The following SLC25A12 variants were observed in gnomAD, a reference collection of about 807,000 sequenced individuals.
The protein encoded by SLC25A12 is electrogenic aspartate/glutamate antiporter SLC25A12, mitochondrial.
Under a neutral mutation model 83.3 loss-of-function variants are expected in SLC25A12, and 32 were observed. That is an observed-to-expected ratio of 0.38 (90% CI 0.29 to 0.52). SLC25A12 has a LOEUF of 0.52. SLC25A12 is among the 20% of genes least tolerant of loss of function. The pLI is 0.84. For missense variants in SLC25A12, 611 were observed against 835.6 expected, an observed-to-expected ratio of 0.73 and a Z score of 3.31; for synonymous variants, 267 against 291.1, an observed-to-expected ratio of 0.92 and a Z score of 0.84.
At chr2:171,789,373 A>C (rs534100468) in intron 15 of SLC25A12, among the ~76,000 whole-genome samples, 91 of 151,950 alleles carry the variant, frequency 6.0e-4, no homozygotes, top group African/African-American at 1.2e-3. Context: ...GGACTACAGA[A>C]GCCCGCCACC....
In SLC25A12 at chr2:171,809,703, C is replaced by T. The variant is rs1288977179; in HGVS notation, c.1225-17G>A. On this transcript the variant is annotated splice_polypyrimidine_tract_variant and intron_variant, in intron 12 of 17. Coordinates refer to ENST00000422440, the MANE Select transcript of SLC25A12 (RefSeq NM_003705.5). ...ATCATTAACCTAATTAGAAAGACAA[C>T]ATCAGTTAACCAAAATTCCCAACCA... 6 of 1,585,984 alleles carry T rather than the reference C, an allele frequency of 3.8e-6. No homozygotes were observed. The highest frequency in any genetic ancestry group is 4.3e-6 in the Non-Finnish European group (5 of 1,154,544).
At chr2:171,848,266 G>C (rs1209368373) in intron 4 of SLC25A12, 2 of 471,012 alleles carry the variant, frequency 4.2e-6, no homozygotes, top group East Asian at 6.9e-5. Flanking sequence ...GGTGTGGCCA[G>C]AGAACTCCTC....
In SLC25A12 at chr2:171,848,342, A is replaced by T. The variant is rs542745600; in HGVS notation, c.326-3834T>A. On this transcript the variant is annotated intron_variant, in intron 4 of 17. Coordinates refer to ENST00000422440, the MANE Select transcript of SLC25A12 (RefSeq NM_003705.5). ...CTACCATCAGCCCAACGACATCCTT[A>T]TTCCAAGGATTCCAGCCCAGCAGGA... The T allele has an allele frequency of 4.7e-4, 219 of 463,810 alleles. 1 individual carries two copies. In the Middle Eastern group the frequency reaches 5.5e-3, roughly 12 times the overall value. 28.7% of individuals were successfully genotyped at this position (463,810 alleles called of 1,614,324 possible). A position where few individuals can be genotyped will look rare whatever the true frequency, so the allele number is the denominator to read the frequency against.
At chr2:171,892,658 G>A (rs1685968326) in intron 2 of SLC25A12, among the ~76,000 whole-genome samples, 2 of 151,446 alleles carry the variant, frequency 1.3e-5, no homozygotes, top group Non-Finnish European at 2.9e-5. Flanking sequence ...CCAAGTCACT[G>A]ATTCTAAAAG....
chr2:171,820,423 T>C (rs936434015), intron 9 of SLC25A12, among the ~76,000 whole-genome samples: 2 of 152,116 alleles, frequency 1.3e-5, no homozygotes, highest in Non-Finnish European at 2.9e-5. Context: ...AAAGTAATTA[T>C]GTAATATACA....
At chr2:171,810,126 A>G in intron 12 of SLC25A12, 98 bp downstream of exon 12, 2 of 1,017,510 alleles carry the variant, frequency 2.0e-6, no homozygotes, top group Non-Finnish European at 3.1e-6. Context: ...AAATGCTGAG[A>G]TTATAGGCAT....
chr2:171,799,558 C>T (rs1454026517), intron 13 of SLC25A12, among the ~76,000 whole-genome samples: 3 of 152,054 alleles, frequency 2.0e-5, no homozygotes, highest in South Asian at 2.1e-4. Flanking sequence ...TTTGCTTTAC[C>T]GATATGAAGG....
chr2:171,806,011 A>C (rs1683817914), intron 13 of SLC25A12, among the ~76,000 whole-genome samples: 2 of 152,158 alleles, frequency 1.3e-5, no homozygotes, highest in South Asian at 2.1e-4. Context: ...GGGGAGGCTG[A>C]GAGATGGGAG....
At chr2:171,793,373 G>A (rs1423163175) in intron 14 of SLC25A12, among the ~76,000 whole-genome samples, 1 of 152,176 alleles carries the variant, frequency 6.6e-6, no homozygotes, top group Non-Finnish European at 1.5e-5. Context: ...GAAAGGCTGT[G>A]AGCCTGAGGC....
At chr2:171,826,349 T>G (rs1684299782) in intron 9 of SLC25A12, among the ~76,000 whole-genome samples, 2 of 152,240 alleles carry the variant, frequency 1.3e-5, no homozygotes, top group South Asian at 4.1e-4. Context: ...GGCTCATGCC[T>G]GTAATCCCAG....
At chr2:171,873,038 T>C (rs1685490242) in intron 2 of SLC25A12, among the ~76,000 whole-genome samples, 1 of 152,102 alleles carries the variant, frequency 6.6e-6, no homozygotes, top group African/African-American at 2.4e-5. Flanking sequence ...TACTAAAAGT[T>C]TAAGAAGAAA....
At position 171,833,533 on chromosome 2, in the gene SLC25A12, A is replaced by C. The variant is rs186496919; in HGVS notation, c.845+430T>G. Among the ~76,000 whole-genome samples the C allele has an allele frequency of 1.9e-4, 29 of 152,274 alleles. No homozygotes were observed. In the East Asian group the frequency reaches 5.6e-3, roughly 29 times the overall value. ...TGATCTACCCACCTTGGCCTCCCAA[A>C]GTGCTGGGATTACAGGCGTGAGCCA... On this transcript the variant is annotated intron_variant, in intron 8 of 17. Coordinates refer to ENST00000422440, the MANE Select transcript of SLC25A12 (RefSeq NM_003705.5).
chr2:171,846,443 C>A (rs1244813418), intron 4 of SLC25A12, among the ~76,000 whole-genome samples: 1 of 151,984 alleles, frequency 6.6e-6, no homozygotes, highest in Non-Finnish European at 1.5e-5. Context: ...ATCAGAATCT[C>A]AAATATGAAA....
intron 17 of SLC25A12, among the ~76,000 whole-genome samples, chr2:171,785,986 G>A (rs1488143700): frequency 2.0e-5 from 3 of 151,928 alleles, no homozygotes; most frequent in Non-Finnish European, 4.4e-5. Context: ...TAGCACATAT[G>A]AAAGTAATTT....
intron 5 of SLC25A12, among the ~76,000 whole-genome samples, chr2:171,838,623 T>C (rs1225664584): frequency 2.0e-5 from 3 of 152,212 alleles, no homozygotes; most frequent in Non-Finnish European, 4.4e-5. Flanking sequence ...CTAAAGAAGA[T>C]GTGGACCTTT....
At position 171,868,776 on chromosome 2, in the gene SLC25A12, G is replaced by A. The variant is rs764718826; in HGVS notation, c.114C>T (p.Asp38=). 1.5e-5 allele frequency: 24 copies of A among 1,613,238 alleles called. No homozygotes were observed. Among genetic ancestry groups the A allele is most frequent in the Non-Finnish European group, 2.0e-5 (24 of 1,179,346 alleles). ...VDGERYMTPE[D]FVQRYLGLYN... ...ACAGTCCAAGATAGCGCTGAACAAA[G>A]TCTTCTGGGGTCATATAACGCTCTC... Residue 38 remains aspartate (D), a synonymous_variant, in exon 3 of 18, where the codon GAC becomes GAT. Coordinates refer to ENST00000422440, the MANE Select transcript of SLC25A12 (RefSeq NM_003705.5).
Position 171,830,234 on chromosome 2 carries a change from C to T in SLC25A12, c.846-3352G>A, listed in dbSNP as rs537611255. 9.9e-4 allele frequency among the ~76,000 whole-genome samples: 151 copies of T among 152,258 alleles called. 2 individuals are homozygous for T. The highest frequency in any genetic ancestry group is 9.4e-4 in the Non-Finnish European group (64 of 68,018). ...TTATAGAAACAAATAATCTATATTG[C>T]ATCATTTTCAAGCCCACAGAAATGT... On this transcript the variant is annotated intron_variant, in intron 8 of 17. Transcript: ENST00000422440.
rs1684169471 is a variant in SLC25A12 at position 171,820,677 on chromosome 2, G to A, written c.931-5475C>T. Among the ~76,000 whole-genome samples, 4 of 141,176 alleles carry A rather than the reference G, an allele frequency of 2.8e-5. 1 individual carries two copies. The South Asian group carries it at 9.4e-4, about 33-fold the overall frequency. The allele number at this position is 141,176 out of a possible 152,430, so 92.6% of individuals were successfully genotyped here. ...CGGGAGGCGGAGCTTGCAGTGAGCC[G>A]AGATCCCGCCACTGCACTCCAGCCT... On this transcript the variant is annotated intron_variant, in intron 9 of 17. Transcript: ENST00000422440.
chr2:171,830,962 C>A (rs1684418217), intron 8 of SLC25A12, among the ~76,000 whole-genome samples: 2 of 152,150 alleles, frequency 1.3e-5, no homozygotes, highest in African/African-American at 2.4e-5. Flanking sequence ...GAAATGAAAC[C>A]CAGGTTGTAA....
Sources: gnomAD v4.1 joint callset for allele counts (sites outside exome capture counted in the v4.1 genomes callset) on GRCh38, gnomAD v4.1.1 for gene constraint, MANE v1.5 for transcripts, NCBI Gene and HGNC (gene_info 2026-07-23, HGNC 2026-07-21) for gene names.